The following LY96 variants were observed in gnomAD, a reference collection of about 807,000 sequenced individuals.
The protein encoded by LY96 is myeloid differentiation protein-2.
Under a neutral mutation model 18.9 loss-of-function variants are expected in LY96, and 18 were observed. The ratio of observed to expected loss-of-function variants is 0.95; its 90% CI spans 0.66 to 1.41. The LOEUF is 1.41. Among genes scored for constraint, LY96 ranks in the 40% most tolerant of loss-of-function variants. The probability of loss-of-function intolerance (pLI) is 0.00; values close to 1 mark genes in which losing one functional copy is unlikely to be tolerated. For missense variants in LY96, 175 were observed against 182.4 expected (o/e 0.96, Z 0.23); for synonymous variants, 66 against 62.6 (o/e 1.06, Z -0.26).
the LY96 span, among the ~76,000 whole-genome samples, chr8:74,069,170 C>T: frequency 6.6e-6 from 1 of 152,166 alleles, no homozygotes; most frequent in African/African-American, 2.4e-5. Context: ...TGTGATTTAT[C>T]TCTTTTTTAA....
At chr8:74,053,284 CTT>C in the LY96 span, among the ~76,000 whole-genome samples, 2 of 152,172 alleles carry the variant, frequency 1.3e-5, no homozygotes, top group Non-Finnish European at 2.9e-5. Flanking sequence ...CTCTCAATGT[CTT>C]TTAGATTTTC....
At chr8:74,088,603 A>T in the LY96 span, among the ~76,000 whole-genome samples, 1 of 151,892 alleles carries the variant, frequency 6.6e-6, no homozygotes, top group African/African-American at 2.4e-5. Flanking sequence ...TTATTTATTT[A>T]TTGAGAGAGT....
the LY96 span, among the ~76,000 whole-genome samples, chr8:74,054,529 TTCC>T: frequency 2.7e-5 from 2 of 73,524 alleles, no homozygotes; most frequent in South Asian, 6.8e-4. Context: ...TTTTCCTTCC[TTCC>T]TTCCTTCCTT....
At chr8:74,089,202 G>A in the LY96 span, among the ~76,000 whole-genome samples, 2 of 152,222 alleles carry the variant, frequency 1.3e-5, no homozygotes. Flanking sequence ...AAAGGGCCAT[G>A]CCCTGTGAGA....
chr8:74,016,306 G>A (rs1458506391), intron 3 of LY96, among the ~76,000 whole-genome samples: 2 of 152,228 alleles, frequency 1.3e-5, no homozygotes, highest in Admixed American at 6.5e-5. Flanking sequence ...AGCCTGGCTC[G>A]GGAGGGGCGT....
the LY96 span, among the ~76,000 whole-genome samples, chr8:74,059,304 A>G: frequency 6.6e-6 from 1 of 152,266 alleles, no homozygotes; most frequent in Non-Finnish European, 1.5e-5. Flanking sequence ...TGAATTCTCC[A>G]TAAATTAAAT....
downstream of LY96, among the ~76,000 whole-genome samples, chr8:74,030,046 G>T (rs1032561371): frequency 2.0e-5 from 3 of 152,344 alleles, no homozygotes; most frequent in East Asian, 5.8e-4. Context: ...AAAGGAAGAA[G>T]CTGAGACAGA....
chr8:74,011,626 C>G (rs190080514), intron 3 of LY96, among the ~76,000 whole-genome samples: 1 of 151,980 alleles, frequency 6.6e-6, no homozygotes, highest in Non-Finnish European at 1.5e-5. Context: ...TTTGGGATAC[C>G]AAGGCAGGTG....
the LY96 span, chr8:74,055,822 A>G: frequency 6.6e-6 from 1 of 152,236 alleles, no homozygotes; most frequent in African/African-American, 2.4e-5. Flanking sequence ...CGGCCCTAAG[A>G]TGTAGGAGGC....
At chr8:74,067,703 A>G in the LY96 span, among the ~76,000 whole-genome samples, 1 of 152,042 alleles carries the variant, frequency 6.6e-6, no homozygotes, top group African/African-American at 2.4e-5. Context: ...GTTGAGGTGT[A>G]TTCTGAGGTT....
At chr8:74,021,169 C>T (rs541016211) in intron 3 of LY96, among the ~76,000 whole-genome samples, 10 of 152,248 alleles carry the variant, frequency 6.6e-5, no homozygotes, top group African/African-American at 1.9e-4. Context: ...ACAATCTACC[C>T]GTCTGACAAA....
the LY96 span, among the ~76,000 whole-genome samples, chr8:74,097,760 A>G: frequency 6.6e-6 from 1 of 152,198 alleles, no homozygotes; most frequent in South Asian, 2.1e-4. Flanking sequence ...AAATAAATAA[A>G]CAATGTACTT....
chr8:74,036,269 T>C, the LY96 span, among the ~76,000 whole-genome samples: 1 of 152,222 alleles, frequency 6.6e-6, no homozygotes, highest in Non-Finnish European at 1.5e-5. Context: ...ATTAGAATTA[T>C]GGGAGGTGCC....
chr8:74,053,595 T>C, the LY96 span, among the ~76,000 whole-genome samples: 1 of 152,224 alleles, frequency 6.6e-6, no homozygotes. Flanking sequence ...TTCATTACTC[T>C]CTATCTTTAC....
chr8:74,071,494 A>T, the LY96 span, among the ~76,000 whole-genome samples: 1 of 152,256 alleles, frequency 6.6e-6, no homozygotes, highest in East Asian at 1.9e-4. Flanking sequence ...AAAATTGATA[A>T]TATACATGAG....
chr8:74,052,510 G>A, the LY96 span: 1 of 152,238 alleles, frequency 6.6e-6, no homozygotes, highest in Non-Finnish European at 1.5e-5. Flanking sequence ...ACTAGATTAA[G>A]GCTCAGATAT....
chr8:74,069,415 G>A, the LY96 span, among the ~76,000 whole-genome samples: 2 of 152,094 alleles, frequency 1.3e-5, no homozygotes, highest in African/African-American at 4.8e-5. Context: ...CATATCCTCA[G>A]GAGACTGGGG....
Position 74,026,810 on chromosome 8 carries a change from C to T in LY96, c.353C>T (p.Ser118Leu), listed in dbSNP as rs868086563. The part of the protein sequence containing the change: ...LKGETVNTTI[S>L]FSFKGIKFSK... Reference sequence around the variant, plus strand: ...GCAGAGACTGTGAATACAACAATATCATTCTCCTTCAAGGGAATAAAATTT... The same window carrying T: ...GCAGAGACTGTGAATACAACAATATTATTCTCCTTCAAGGGAATAAAATTT... Residue 118 changes from serine to leucine, a missense_variant, in exon 4 of 5, where the codon TCA (serine) becomes TTA (leucine). Ser to Leu is a moderately radical substitution (Grantham distance 145, BLOSUM62 -2). Transcript: ENST00000284818. 1.3e-6 allele frequency: 2 copies of T among 1,533,454 alleles called. No individual in the cohort carries two copies. Among genetic ancestry groups the T allele is most frequent in the South Asian group, 1.1e-5 (1 of 89,202 alleles). The allele number at this position is 1,533,454 out of a possible 1,614,324, so 95.0% of individuals were successfully genotyped here.
At chr8:74,021,489 C>T (rs900933708) in intron 3 of LY96, among the ~76,000 whole-genome samples, 5 of 152,186 alleles carry the variant, frequency 3.3e-5, no homozygotes, top group African/African-American at 1.2e-4. Context: ...TAAACTAGTT[C>T]AACCATTGTG....
Sources: allele counts gnomAD v4.1 joint callset (sites outside exome capture counted in the v4.1 genomes callset), GRCh38; gene constraint gnomAD v4.1.1; transcripts MANE v1.5; gene names NCBI Gene and HGNC (gene_info 2026-07-23, HGNC 2026-07-21).